Variants in DOCK3 observed in about 807,000 individuals in gnomAD.
The protein encoded by DOCK3 is dedicator of cytokinesis 3.
A neutral mutation model predicts 265.6 loss-of-function variants in DOCK3; 60 were observed. The observed-to-expected ratio is 0.23, with a 90% confidence interval of 0.18 to 0.28. DOCK3 has a LOEUF of 0.28. Ranked by LOEUF, DOCK3 falls within the 10% of genes least tolerant of loss-of-function variation. The pLI, the probability that DOCK3 is intolerant of heterozygous loss-of-function variation, is 1.00. For missense variants in DOCK3, 1,981 were observed against 2,594.3 expected (o/e 0.76, Z 5.14); for synonymous variants, 881 against 938.0 (o/e 0.94, Z 1.11).
chr3:50,830,821 A>T (rs1375542815), intron 2 of DOCK3, among the ~76,000 whole-genome samples: 1 of 152,188 alleles, frequency 6.6e-6, no homozygotes, highest in African/African-American at 2.4e-5. Flanking sequence ...AGTGAAAGCA[A>T]GTTTATTAGG....
intron 2 of DOCK3, among the ~76,000 whole-genome samples, chr3:50,792,122 A>AT (rs34021915): frequency 0.84 from 120,354 of 142,722 alleles, 51,707 homozygotes; most frequent in Non-Finnish European, 0.95. Flanking sequence ...GTCATCTCTG[A>AT]TTTTTTTTTT....
intron 5 of DOCK3, among the ~76,000 whole-genome samples, chr3:51,013,905 G>T (rs1028418142): frequency 6.6e-6 from 1 of 152,180 alleles, no homozygotes; most frequent in African/African-American, 2.4e-5. Flanking sequence ...AGCCATGCTT[G>T]CTGCCTAGCA....
chr3:50,875,869 AAC>A (rs1257159604), intron 3 of DOCK3, among the ~76,000 whole-genome samples: 1 of 151,908 alleles, frequency 6.6e-6, no homozygotes, highest in African/African-American at 2.4e-5. Flanking sequence ...AAAAAAAAAA[AAC>A]AACTGTTGTG....
intron 11 of DOCK3, among the ~76,000 whole-genome samples, chr3:51,160,185 A>C (rs1055423517): frequency 1.9e-4 from 29 of 152,260 alleles, no homozygotes; most frequent in African/African-American, 6.3e-4. Context: ...TATACCTGGC[A>C]GCTAAAATAC....
At chr3:50,787,435 T>C in intron 2 of DOCK3, 2 of 415,792 alleles carry the variant, frequency 4.8e-6, no homozygotes, top group Non-Finnish European at 8.8e-6. Context: ...CTCGGGAGGC[T>C]GAGGCAGGAG....
At chr3:51,161,616 T>A (rs950124929) in intron 12 of DOCK3, among the ~76,000 whole-genome samples, 1 of 152,160 alleles carries the variant, frequency 6.6e-6, no homozygotes, top group African/African-American at 2.4e-5. Context: ...ACACATTTTC[T>A]TTTTTCTCCA....
intron 12 of DOCK3, among the ~76,000 whole-genome samples, chr3:51,206,562 TA>T (rs1177422501): frequency 6.1e-5 from 9 of 147,756 alleles, no homozygotes; most frequent in South Asian, 2.2e-4. Context: ...CTGAATCCTT[TA>T]AAAAAAAAAG....
chr3:51,357,481 G>C (rs1160348970), intron 44 of DOCK3, among the ~76,000 whole-genome samples: 2 of 152,144 alleles, frequency 1.3e-5, no homozygotes, highest in Non-Finnish European at 2.9e-5. Context: ...CCTACTCCCA[G>C]TCCACCAGTC....
At chr3:50,921,756 G>A (rs1365250538) in intron 4 of DOCK3, among the ~76,000 whole-genome samples, 1 of 152,140 alleles carries the variant, frequency 6.6e-6, no homozygotes, top group Non-Finnish European at 1.5e-5. Flanking sequence ...CTTTCTGTTT[G>A]TTAGTTTTCC....
intron 4 of DOCK3, among the ~76,000 whole-genome samples, chr3:50,918,995 T>C (rs151299109): frequency 5.3e-4 from 81 of 152,280 alleles, no homozygotes; most frequent in African/African-American, 1.9e-3. Context: ...CCAGTTTTCC[T>C]AGCACCATTT....
chr3:51,257,701 C>T (rs1183143767), intron 22 of DOCK3, among the ~76,000 whole-genome samples: 1 of 152,180 alleles, frequency 6.6e-6, no homozygotes, highest in Non-Finnish European at 1.5e-5. Context: ...CTTTTTCTTA[C>T]AGGTTTATTA....
At chr3:51,203,273 T>C (rs371984968) in intron 12 of DOCK3, among the ~76,000 whole-genome samples, 12 of 152,146 alleles carry the variant, frequency 7.9e-5, no homozygotes, top group South Asian at 4.2e-4. Context: ...AAAACCCCAT[T>C]GTCTCAGCCC....
chr3:50,692,445 G>T (rs890907655), intron 1 of DOCK3, among the ~76,000 whole-genome samples: 5 of 152,064 alleles, frequency 3.3e-5, no homozygotes, highest in African/African-American at 9.7e-5. Flanking sequence ...TCACAATAGG[G>T]TTCATACTCC....
At chr3:50,926,509 T>C (rs1427566591) in intron 4 of DOCK3, among the ~76,000 whole-genome samples, 2 of 152,262 alleles carry the variant, frequency 1.3e-5, no homozygotes, top group Admixed American at 1.3e-4. Flanking sequence ...TAGACTGTGC[T>C]TCTAGTTATG....
At chr3:51,000,756 G>A (rs1250789884) in intron 5 of DOCK3, among the ~76,000 whole-genome samples, 5 of 152,156 alleles carry the variant, frequency 3.3e-5, no homozygotes, top group African/African-American at 1.2e-4. Context: ...GGGTTCAAGC[G>A]ATTCTCCTGC....
chr3:50,772,830 A>G (rs2041358469), intron 1 of DOCK3, among the ~76,000 whole-genome samples: 1 of 152,190 alleles, frequency 6.6e-6, no homozygotes, highest in Non-Finnish European at 1.5e-5. Flanking sequence ...ATGGATTTGA[A>G]GAATTAATAT....
intron 23 of DOCK3, among the ~76,000 whole-genome samples, chr3:51,262,604 G>A (rs1169585040): frequency 6.6e-6 from 1 of 152,184 alleles, no homozygotes; most frequent in African/African-American, 2.4e-5. Flanking sequence ...CAGAAGGTGG[G>A]TAATAACAAA....
At chr3:51,006,007 T>C (rs2108727732) in intron 5 of DOCK3, among the ~76,000 whole-genome samples, 1 of 152,330 alleles carries the variant, frequency 6.6e-6, no homozygotes, top group Non-Finnish European at 1.5e-5. Context: ...CCCCTTTCTT[T>C]TAGTTCACTC....
intron 5 of DOCK3, among the ~76,000 whole-genome samples, chr3:51,023,623 C>A (rs1238512395): frequency 6.6e-6 from 1 of 152,102 alleles, no homozygotes; most frequent in Non-Finnish European, 1.5e-5. Flanking sequence ...ATCATGTTGG[C>A]CAGGCTAGTC....
Sources: allele counts gnomAD v4.1 joint callset (sites outside exome capture counted in the v4.1 genomes callset), GRCh38; gene constraint gnomAD v4.1.1; transcripts MANE v1.5; gene names NCBI Gene and HGNC (gene_info 2026-07-23, HGNC 2026-07-21).